Variants in ALPK1 observed in about 807,000 individuals in gnomAD.
ALPK1 encodes alpha-protein kinase 1.
ALPK1 carries 110 observed loss-of-function variants against 120.6 expected under a neutral mutation model. The observed-to-expected ratio is 0.91, with a 90% CI of 0.78 to 1.07. The LOEUF (loss-of-function observed/expected upper bound fraction) is 1.07, where lower values mean the gene tolerates loss of function less well. ALPK1 is among the 50% of genes least tolerant of loss of function. ALPK1 has a pLI of 0.00. For synonymous variants in ALPK1, 582 were observed against 560.3 expected, an observed-to-expected ratio of 1.04 and a Z score of -0.55; for missense variants, 1,498 against 1,483.9, an observed-to-expected ratio of 1.01 and a Z score of -0.16.
intron 5 of ALPK1, 63 bp downstream of exon 5, chr4:112,412,088 A>G: frequency 6.3e-7 from 1 of 1,593,706 alleles, no homozygotes; most frequent in Non-Finnish European, 8.6e-7. Flanking sequence ...TTCCCTCCCG[A>G]GCTACTTGAC....
In ALPK1 at chr4:112,431,004, C is replaced by T. The variant is rs1440607925; in HGVS notation, c.1457C>T (p.Thr486Ile). ...AAAAATGAACAGAAAGATGCAAAAA[C>T]AGGAGTCTGCATCACTGCTCTAAAA... ...NNKNEQKDAK[T>I]GVCITALKTE... Residue 486 changes from threonine (T) to isoleucine (I), a missense_variant, in exon 11 of 16, where the codon ACA becomes ATA. Transcript: ENST00000650871. The T allele has an allele frequency of 1.9e-6, 3 of 1,613,228 alleles. No homozygotes were observed. The highest frequency in any genetic ancestry group is 2.5e-6 in the Non-Finnish European group (3 of 1,179,632).
chr4:112,321,412 C>G (rs1234498271), intron 2 of ALPK1, among the ~76,000 whole-genome samples: 3 of 152,004 alleles, frequency 2.0e-5, no homozygotes, highest in Non-Finnish European at 4.4e-5. Context: ...GTTCTTGTTT[C>G]TCTAGCTCCT....
At chr4:112,371,995 C>G (rs761319519) in intron 2 of ALPK1, among the ~76,000 whole-genome samples, 6 of 152,122 alleles carry the variant, frequency 3.9e-5, no homozygotes, top group Non-Finnish European at 8.8e-5. Flanking sequence ...AAAAGTCAAT[C>G]TCAAAAGTGA....
At chr4:112,429,486 G>A (rs1734428938) in intron 10 of ALPK1, among the ~76,000 whole-genome samples, 2 of 152,158 alleles carry the variant, frequency 1.3e-5, no homozygotes, top group African/African-American at 4.8e-5. Flanking sequence ...CTGTTGTGAA[G>A]CAATGGTTCC....
chr4:112,431,931 C>T lies in ALPK1; in HGVS notation c.2384C>T (p.Thr795Ile), dbSNP rs1560687354. ...CCAGAAGGAGAAACAGCAGAAAGCA[C>T]TGAAGATGCACCCTTAGACTTTCAC... ...VDPEGETAES[T>I]EDAPLDFHRV... Residue 795 changes from threonine to isoleucine, a missense_variant, in exon 11 of 16, where the codon ACT becomes ATT. Physicochemically the swap from Thr to Ile is moderately conservative, Grantham distance 89. Transcript: ENST00000650871. 6.2e-7 allele frequency: 1 copy of T among 1,614,092 alleles called. No homozygotes were observed. Among genetic ancestry groups the T allele is most frequent in the Non-Finnish European group, 8.5e-7 (1 of 1,180,042 alleles).
intron 2 of ALPK1, among the ~76,000 whole-genome samples, chr4:112,335,262 T>TTA (rs1326538827): frequency 2.4e-4 from 25 of 102,098 alleles, no homozygotes; most frequent in African/African-American, 7.8e-4. Context: ...AAAATCTGTC[T>TTA]AAAAAAAAAA....
chr4:112,409,564 A>G (rs946702484), intron 4 of ALPK1, among the ~76,000 whole-genome samples: 5 of 152,078 alleles, frequency 3.3e-5, no homozygotes, highest in Non-Finnish European at 7.4e-5. Context: ...CAGGAATTAC[A>G]GGGTCAAGCA....
intron 4 of ALPK1, chr4:112,384,563 G>A (rs1732067785): frequency 6.6e-6 from 1 of 152,244 alleles, no homozygotes; most frequent in Admixed American, 6.5e-5. Flanking sequence ...CAATAGATTA[G>A]CATCATCTGA....
intron 2 of ALPK1, among the ~76,000 whole-genome samples, chr4:112,352,226 C>T (rs1227867572): frequency 6.6e-6 from 1 of 152,150 alleles, no homozygotes; most frequent in East Asian, 1.9e-4. Flanking sequence ...ATGTGATATA[C>T]ATGGAACATG....
At position 112,441,640 on chromosome 4, in the gene ALPK1, A is replaced by C. The variant is rs1290016576; in HGVS notation, c.*430A>C. On this transcript the variant is annotated 3_prime_UTR_variant, in exon 16 of 16. Coordinates refer to ENST00000650871, the MANE Select transcript of ALPK1 (RefSeq NM_025144.4). ...TTGTTTTCCTGTCTTTTGACATTTG[A>C]CTTTGCATAAAAGTTTATCTGTGCA... 5.9e-6 allele frequency: 1 copy of C among 169,310 alleles called. No homozygotes were observed. The highest frequency in any genetic ancestry group is 2.4e-5 in the African/African-American group (1 of 41,846). The allele number at this position is 169,310 out of a possible 1,614,324, so 10.5% of individuals were successfully genotyped here.
intron 4 of ALPK1, among the ~76,000 whole-genome samples, chr4:112,388,660 G>A (rs1732261020): frequency 6.7e-6 from 1 of 149,908 alleles, no homozygotes; most frequent in South Asian, 2.1e-4. Context: ...GATAAACTCT[G>A]CATTCATTCA....
chr4:112,396,943 T>A (rs1005185120), intron 4 of ALPK1, among the ~76,000 whole-genome samples: 2 of 151,988 alleles, frequency 1.3e-5, no homozygotes, highest in Non-Finnish European at 2.9e-5. Flanking sequence ...ACACCCAGAT[T>A]TTTTTTGTAT....
At chr4:112,334,562 A>G (rs1409783951) in intron 2 of ALPK1, among the ~76,000 whole-genome samples, 5 of 152,168 alleles carry the variant, frequency 3.3e-5, no homozygotes, top group Non-Finnish European at 7.4e-5. Flanking sequence ...AGGATAGTGT[A>G]TACTATGGGG....
At chr4:112,426,665 A>G (rs1734250868) in intron 8 of ALPK1, 122 bp downstream of exon 8, 1 of 851,804 alleles carries the variant, frequency 1.2e-6, no homozygotes, top group Non-Finnish European at 1.7e-6. Flanking sequence ...TTTATTTTTC[A>G]CAAGCATAGG....
At chr4:112,305,252 T>G (rs1727985550) in intron 1 of ALPK1, among the ~76,000 whole-genome samples, 2 of 152,084 alleles carry the variant, frequency 1.3e-5, no homozygotes, top group African/African-American at 4.8e-5. Context: ...TGGTTCCATA[T>G]GAACTTTAAA....
At chr4:112,308,064 T>C (rs1411749224) in intron 1 of ALPK1, among the ~76,000 whole-genome samples, 1 of 152,122 alleles carries the variant, frequency 6.6e-6, no homozygotes, top group African/African-American at 2.4e-5. Flanking sequence ...TTAAGAATGT[T>C]GAATATTGGC....
chr4:112,356,468 T>C (rs1214983220), intron 2 of ALPK1: 3 of 951,146 alleles, frequency 3.2e-6, no homozygotes, highest in Admixed American at 3.4e-5. Flanking sequence ...TTTACGCCTT[T>C]AGGACCCACT....
chr4:112,345,310 T>C (rs1227707569), intron 2 of ALPK1, among the ~76,000 whole-genome samples: 2 of 152,234 alleles, frequency 1.3e-5, no homozygotes, highest in Admixed American at 1.3e-4. Context: ...GATTTCTAAG[T>C]ACATACTAAC....
intron 2 of ALPK1, among the ~76,000 whole-genome samples, chr4:112,326,082 A>C (rs1431313612): frequency 6.6e-6 from 1 of 152,172 alleles, no homozygotes; most frequent in African/African-American, 2.4e-5. Flanking sequence ...AAGTTTATGG[A>C]AACCATCATC....
Sources: gnomAD v4.1 joint callset for allele counts (sites outside exome capture counted in the v4.1 genomes callset) on GRCh38, gnomAD v4.1.1 for gene constraint, MANE v1.5 for transcripts, NCBI Gene and HGNC (gene_info 2026-07-23, HGNC 2026-07-21) for gene names.